The following NME9 variants were observed in gnomAD, a reference collection of about 807,000 sequenced individuals.
NME9 encodes the protein thioredoxin domain-containing protein 6.
Under a neutral mutation model 44.4 loss-of-function variants are expected in NME9, and 48 were observed. The ratio of observed to expected loss-of-function variants is 1.08; its 90% CI spans 0.86 to 1.37. The LOEUF is 1.37. NME9 is among the 40% of genes most tolerant of loss of function. The pLI, the probability that NME9 is intolerant of heterozygous loss-of-function variation, is 0.00. For missense variants in NME9, 325 were observed against 405.2 expected, an observed-to-expected ratio of 0.80 and a Z score of 1.70; for synonymous variants, 139 against 147.1, an observed-to-expected ratio of 0.94 and a Z score of 0.40.
chr3:138,302,581 T>C (rs1577112706), intron 10 of NME9, among the ~76,000 whole-genome samples: 2 of 152,156 alleles, frequency 1.3e-5, no homozygotes, highest in African/African-American at 4.8e-5. Flanking sequence ...AGTTCCTGGC[T>C]CCCCAGCCTC....
chr3:138,323,198 T>C (rs569605818), intron 2 of NME9, among the ~76,000 whole-genome samples: 48 of 152,272 alleles, frequency 3.2e-4, no homozygotes, highest in Non-Finnish European at 6.5e-4. Flanking sequence ...GGCGGATCAT[T>C]TGAGGTCAGG....
intron 1 of NME9, among the ~76,000 whole-genome samples, chr3:138,326,539 T>G (rs977976608): frequency 6.6e-6 from 1 of 152,002 alleles, no homozygotes; most frequent in African/African-American, 2.4e-5. Flanking sequence ...GTTCAAGAGA[T>G]TCTCCTGCCT....
Position 138,285,569 on chromosome 3 carries a change from A to G in NME9, c.745+17938T>C, listed in dbSNP as rs1171551294. ...GTTTCACCCTTCAAATCTCAGCTGA[A>G]CTTATACTTTCTTACTGGACTCTTG... On this transcript the variant is annotated intron_variant, in intron 8 of 8. Transcript: ENST00000317876. 2.0e-5 allele frequency among the ~76,000 whole-genome samples: 3 copies of G among 152,200 alleles called. No homozygotes were observed. The East Asian group carries it at 5.8e-4, about 29-fold the overall frequency.
At chr3:138,268,021 A>T (rs1483505413) in intron 8 of NME9, among the ~76,000 whole-genome samples, 1 of 152,026 alleles carries the variant, frequency 6.6e-6, no homozygotes, top group Non-Finnish European at 1.5e-5. Flanking sequence ...GGCAGGCAGA[A>T]CACTTGAGGT....
rs1222526052 is a variant in NME9 at position 138,314,399 on chromosome 3, A to G, written c.393T>C (p.Asp131=). The change falls in exon 6 of 11, where the codon GAT becomes GAC. Residue 131 remains aspartate (D), a synonymous_variant. Transcript: ENST00000333911. ...AEGRERKVIK[D]EALSDEDECV... is the part of the protein sequence containing the mutation. ...ATTCATCTTCATCAGAAAGAGCCTC[A>G]TCTTTAATCTAGTACAAATTGGTCA... The G allele has an allele frequency of 2.5e-6, 4 of 1,601,722 alleles. No individual in the cohort carries two copies. Among genetic ancestry groups the G allele is most frequent in the Non-Finnish European group, 3.4e-6 (4 of 1,170,114 alleles).
intron 8 of NME9, among the ~76,000 whole-genome samples, chr3:138,280,011 C>T (rs1366874697): frequency 6.6e-6 from 1 of 151,762 alleles, no homozygotes; most frequent in East Asian, 2.0e-4. Context: ...TCAAACCTTT[C>T]TCCTGCCTCC....
At chr3:138,319,366 C>G (rs2053313720) in intron 3 of NME9, 112 bp downstream of exon 3, 2 of 651,968 alleles carry the variant, frequency 3.1e-6, no homozygotes, top group South Asian at 3.6e-5. Flanking sequence ...CACACTGATT[C>G]CTTTTTAATG....
intron 2 of NME9, among the ~76,000 whole-genome samples, chr3:138,320,037 A>G (rs2053366305): frequency 6.6e-6 from 1 of 152,238 alleles, no homozygotes; most frequent in East Asian, 1.9e-4. Flanking sequence ...ATGAATTAAA[A>G]GCCACTTTCT....
At chr3:138,305,898 G>T in intron 8 of NME9, 106 bp downstream of exon 8, 1 of 771,476 alleles carries the variant, frequency 1.3e-6, no homozygotes, top group Non-Finnish European at 2.3e-6. Context: ...TTCCTATTTT[G>T]GTTCTTCATA....
At chr3:138,267,082 TATTTTATATCTC>T (rs924816029) in intron 8 of NME9, 15 of 788,838 alleles carry the variant, frequency 1.9e-5, no homozygotes, top group African/African-American at 8.8e-5. Context: ...TTTTTATTTA[TATTTTATATCTC>T]ATTTTATATC....
rs774738616 is a variant in NME9, at chr3:138,304,914, G to A, written c.750C>T (p.Gly250=). 1 of 1,614,138 alleles carries A rather than the reference G, an allele frequency of 6.2e-7. No homozygotes were observed. The highest frequency in any genetic ancestry group is 8.5e-7 in the Non-Finnish European group (1 of 1,180,006). The change falls in exon 9 of 11, where the codon GGC becomes GGT. Residue 250 remains glycine (G), a synonymous_variant. Transcript: ENST00000333911. ...TCCTGGCCACATTGGGGTCACGGGG[G>A]CCCATGACGGTTCGCCAGGTAGTGA... ...DVVTTWRTVM[G]PRDPNVARRE...
In NME9 at chr3:138,288,981, C is replaced by T. The variant is rs1004092097; in HGVS notation, c.745+14526G>A. 32 of 1,354,746 alleles carry T rather than the reference C, an allele frequency of 2.4e-5. No individual in the cohort carries two copies. The Admixed American group carries it at 6.1e-4, about 26-fold the overall frequency. 83.9% of individuals were successfully genotyped at this position (1,354,746 alleles called of 1,614,324 possible). Reference sequence around the variant, plus strand: ...TATAGGAATTGGCTATGGTAGGTCCCCCCAAAAAAAAATCTAAAATGAGAT... The same window carrying T: ...TATAGGAATTGGCTATGGTAGGTCCTCCCAAAAAAAAATCTAAAATGAGAT... On this transcript the variant is annotated intron_variant, in intron 8 of 8. Coordinates refer to the NME9 transcript ENST00000317876.
intron 8 of NME9, among the ~76,000 whole-genome samples, chr3:138,286,263 A>T (rs776901108): frequency 3.9e-5 from 6 of 152,070 alleles, no homozygotes; most frequent in Admixed American, 6.6e-5. Flanking sequence ...GACTTCTTAA[A>T]AGCATCTTTT....
downstream of NME9, among the ~76,000 whole-genome samples, chr3:138,300,361 C>G (rs765732936): frequency 6.6e-6 from 1 of 152,086 alleles, no homozygotes; most frequent in Non-Finnish European, 1.5e-5. Flanking sequence ...GATGCACCCA[C>G]GAAAATGTCC....
intron 8 of NME9, among the ~76,000 whole-genome samples, chr3:138,264,968 G>A (rs911159519): frequency 2.6e-5 from 4 of 151,790 alleles, no homozygotes; most frequent in African/African-American, 4.8e-5. Flanking sequence ...CTCAGTCATG[G>A]CTCACTGCAG....
rs540350567 is a variant in NME9, at chr3:138,272,137, C to T, written c.746-9551G>A. On this transcript the variant is annotated intron_variant, in intron 8 of 8. Transcript: ENST00000317876. Reference sequence around the variant, plus strand: ...CACCCGGGATTACTGGTAGCTCAGACACACCTCCTACCCTCTGGAGAGCTT... The same window carrying T: ...CACCCGGGATTACTGGTAGCTCAGATACACCTCCTACCCTCTGGAGAGCTT... Among the ~76,000 whole-genome samples the T allele has an allele frequency of 2.0e-5, 3 of 152,320 alleles. No homozygotes were observed. The East Asian group carries it at 5.8e-4, about 29-fold the overall frequency.
At chr3:138,283,719 A>G (rs1265244590) in intron 8 of NME9, among the ~76,000 whole-genome samples, 1 of 152,212 alleles carries the variant, frequency 6.6e-6, no homozygotes, top group Non-Finnish European at 1.5e-5. Context: ...TGACAAGAAC[A>G]GTTTTTCCTT....
intron 8 of NME9, chr3:138,274,555 C>G: frequency 6.3e-7 from 1 of 1,588,426 alleles, no homozygotes; most frequent in Non-Finnish European, 8.6e-7. Flanking sequence ...GTACGTTGTT[C>G]CTTTCTCTTG....
At chr3:138,316,196 C>T (rs1410614497) in intron 4 of NME9, among the ~76,000 whole-genome samples, 2 of 152,182 alleles carry the variant, frequency 1.3e-5, no homozygotes, top group Non-Finnish European at 2.9e-5. Context: ...CATGCCACTC[C>T]TTTCAAAGCT....
Sources: gnomAD v4.1 joint callset for allele counts (sites outside exome capture counted in the v4.1 genomes callset) on GRCh38, gnomAD v4.1.1 for gene constraint, MANE v1.5 for transcripts, NCBI Gene and HGNC (gene_info 2026-07-23, HGNC 2026-07-21) for gene names.